Variants in NAA11 observed in about 807,000 individuals in gnomAD.
The protein encoded by NAA11 is N-alpha-acetyltransferase 11.
Under a neutral mutation model 16.1 loss-of-function variants are expected in NAA11, and 15 were observed. That is an observed-to-expected ratio of 0.93 (90% CI 0.62 to 1.44). NAA11 has a LOEUF of 1.44. Among genes scored for constraint, NAA11 ranks in the 40% most tolerant of loss-of-function variants. The pLI is 0.00. For synonymous variants in NAA11, 122 were observed against 112.4 expected (o/e 1.09, Z -0.54); for missense variants, 298 against 291.3 (o/e 1.02, Z -0.17).
intron 2 of NAA11, among the ~76,000 whole-genome samples, chr4:79,274,395 G>A (rs139382335): frequency 4.6e-5 from 7 of 152,120 alleles, no homozygotes; most frequent in African/African-American, 1.7e-4. Context: ...GCTTTATCTG[G>A]GTAACAGAAG....
At chr4:79,209,864 G>A in the NAA11 span, among the ~76,000 whole-genome samples, 4 of 151,918 alleles carry the variant, frequency 2.6e-5, no homozygotes, top group African/African-American at 9.7e-5. Context: ...TGGCAAACAC[G>A]GCAAAACCTC....
the NAA11 span, among the ~76,000 whole-genome samples, chr4:79,219,762 A>G: frequency 5.2e-3 from 791 of 152,284 alleles, 4 homozygotes; most frequent in Non-Finnish European, 8.4e-3. Flanking sequence ...ATTTGGAAGT[A>G]AGTCACATGT....
the NAA11 span, among the ~76,000 whole-genome samples, chr4:79,218,531 G>T: frequency 9.9e-5 from 15 of 152,110 alleles, no homozygotes; most frequent in African/African-American, 3.6e-4. Flanking sequence ...TATTAAAATT[G>T]ATAACTCACA....
chr4:79,159,193 C>G, the NAA11 span, among the ~76,000 whole-genome samples: 1 of 152,122 alleles, frequency 6.6e-6, no homozygotes, highest in Admixed American at 6.5e-5. Flanking sequence ...ATAGGTCTGG[C>G]AAAGCACTAA....
intron 2 of NAA11, among the ~76,000 whole-genome samples, chr4:79,282,476 G>A (rs1191287337): frequency 6.6e-6 from 1 of 151,990 alleles, no homozygotes; most frequent in Non-Finnish European, 1.5e-5. Context: ...ATATTTCAGA[G>A]GTGGAATTGA....
At chr4:79,249,148 C>G (rs1005958726) in intron 2 of NAA11, among the ~76,000 whole-genome samples, 1 of 152,188 alleles carries the variant, frequency 6.6e-6, no homozygotes, top group Non-Finnish European at 1.5e-5. Flanking sequence ...TCAACTGAAC[C>G]CACCTCATAA....
the NAA11 span, among the ~76,000 whole-genome samples, chr4:79,156,503 G>A: frequency 6.6e-6 from 1 of 152,182 alleles, no homozygotes. Context: ...TGTGTCTACA[G>A]GCACAATTAA....
chr4:79,325,882 G>T lies in NAA11; in HGVS notation c.-5C>A, dbSNP rs2110021603. On this transcript the variant is annotated 5_prime_UTR_variant, in exon 1 of 2. Coordinates refer to ENST00000286794, the MANE Select transcript of NAA11 (RefSeq NM_032693.3). ...CTGAGCGTTGCGGATGTTCATAATGGCAGAGGGTAGGGAACCGGTTGGACT... is the reference window on the plus strand; with the variant it reads ...CTGAGCGTTGCGGATGTTCATAATGTCAGAGGGTAGGGAACCGGTTGGACT... 1.2e-6 allele frequency: 2 copies of T among 1,601,192 alleles called. No homozygotes were observed. The highest frequency in any genetic ancestry group is 4.5e-5 in the East Asian group (2 of 44,826).
At position 79,323,476 on chromosome 4, in the gene NAA11, G is replaced by A. The variant is rs571337046; in HGVS notation, c.*12+1700C>T. 1.8e-4 allele frequency among the ~76,000 whole-genome samples: 28 copies of A among 152,120 alleles called. No individual in the cohort carries two copies. In the South Asian group the frequency reaches 4.2e-3, roughly 23 times the overall value. On this transcript the variant is annotated intron_variant, in intron 1 of 1. Coordinates refer to ENST00000286794, the MANE Select transcript of NAA11 (RefSeq NM_032693.3). ...CTGAGGCAGGCAGATCACAAGGTCA[G>A]GAGTTCGAGACCAGCCTGGCCAATA...
chr4:79,197,175 AG>A, the NAA11 span, among the ~76,000 whole-genome samples: 1 of 151,980 alleles, frequency 6.6e-6, no homozygotes, highest in East Asian at 1.9e-4. Context: ...CATGTACTTA[AG>A]TCCAAACAAG....
At chr4:79,298,210 T>A (rs1723281566) in intron 1 of NAA11, among the ~76,000 whole-genome samples, 1 of 152,204 alleles carries the variant, frequency 6.6e-6, no homozygotes, top group Non-Finnish European at 1.5e-5. Context: ...TATTGCCCAA[T>A]AACGCTCCTC....
chr4:79,161,305 G>C, the NAA11 span, among the ~76,000 whole-genome samples: 1 of 151,920 alleles, frequency 6.6e-6, no homozygotes, highest in Non-Finnish European at 1.5e-5. Context: ...AAGAATCCTG[G>C]AGCCCTTGTC....
At chr4:79,155,983 C>T in the NAA11 span, among the ~76,000 whole-genome samples, 1 of 152,170 alleles carries the variant, frequency 6.6e-6, no homozygotes, top group East Asian at 1.9e-4. Flanking sequence ...TCAATGTAAG[C>T]ATTATTTCTG....
the NAA11 span, chr4:79,197,654 G>A: frequency 6.6e-6 from 1 of 151,974 alleles, no homozygotes; most frequent in Non-Finnish European, 1.5e-5. Context: ...TGTGAGTAAA[G>A]CAAACTTATT....
the NAA11 span, among the ~76,000 whole-genome samples, chr4:79,167,936 T>C: frequency 2.0e-5 from 3 of 152,118 alleles, no homozygotes; most frequent in Non-Finnish European, 4.4e-5. Flanking sequence ...GTTTGTTACA[T>C]AGGTGCACCT....
At chr4:79,186,819 G>A in the NAA11 span, among the ~76,000 whole-genome samples, 2 of 152,154 alleles carry the variant, frequency 1.3e-5, no homozygotes, top group African/African-American at 4.8e-5. Context: ...TATCTGGAAT[G>A]TACATGGCAG....
chr4:79,267,602 T>A (rs1344311703), intron 2 of NAA11, among the ~76,000 whole-genome samples: 2 of 152,136 alleles, frequency 1.3e-5, no homozygotes, highest in East Asian at 3.9e-4. Context: ...TAACTGCAAA[T>A]ACAAGTCCCC....
the NAA11 span, among the ~76,000 whole-genome samples, chr4:79,171,887 T>G: frequency 1.4e-3 from 214 of 152,314 alleles, no homozygotes; most frequent in Non-Finnish European, 2.4e-3. Flanking sequence ...AACATTTGGT[T>G]GATCTGCTAT....
At chr4:79,227,182 A>G (rs1460884194) in intron 2 of NAA11, 1 of 152,096 alleles carries the variant, frequency 6.6e-6, no homozygotes, top group Non-Finnish European at 1.5e-5. Context: ...ATGGCCAGTG[A>G]TGACAAGCAT....
Sources: allele counts gnomAD v4.1 joint callset (sites outside exome capture counted in the v4.1 genomes callset), GRCh38; gene constraint gnomAD v4.1.1; transcripts MANE v1.5; gene names NCBI Gene and HGNC (gene_info 2026-07-23, HGNC 2026-07-21).